LSR: variants seen among roughly 807,000 people sequenced by gnomAD.
LSR encodes the protein lipolysis stimulated lipoprotein receptor, also known as lipolysis-stimulated lipoprotein receptor.
LSR carries 44 observed loss-of-function variants against 61.8 expected under a neutral mutation model. The ratio of observed to expected loss-of-function variants is 0.71; its 90% CI spans 0.56 to 0.91. LSR has a LOEUF of 0.91. LSR is among the 40% of genes least tolerant of loss of function. The pLI, the probability that LSR is intolerant of heterozygous loss-of-function variation, is 0.00. For missense variants in LSR, 911 were observed against 830.5 expected (o/e 1.10, Z -1.19); for synonymous variants, 397 against 350.6 (o/e 1.13, Z -1.48).
At chr19:35,263,357 C>CA (rs919784131) in intron 5 of LSR, among the ~76,000 whole-genome samples, 1 of 151,708 alleles carries the variant, frequency 6.6e-6, no homozygotes, top group Non-Finnish European at 1.5e-5. Context: ...ATGATTTAAG[C>CA]AAAAAAAATT....
Position 35,267,696 on chromosome 19 carries a change from A to ACCGACTCGCAGGCGT in LSR, c.1735_1749dup (p.Asp579_Ser583dup), listed in dbSNP as rs1228801712. 2.5e-6 allele frequency: 4 copies of ACCGACTCGCAGGCGT among 1,601,578 alleles called. No homozygotes were observed. The African/African-American group carries it at 4.1e-5, about 16-fold the overall frequency. On this transcript the variant is annotated inframe_insertion, in exon 9 of 10. Transcript: ENST00000605618. The stretch of plus-strand genomic sequence containing the variant: ...GCCCGCGCCGCCCCCGTACTCGGAG[A>ACCGACTCGCAGGCGT]CCGACTCGCAGGCGTCCCGAGAGCG...
intron 2 of LSR, among the ~76,000 whole-genome samples, chr19:35,257,212 A>AC (rs1238668716): frequency 2.0e-5 from 3 of 152,174 alleles, no homozygotes; most frequent in Non-Finnish European, 4.4e-5. Context: ...TGAGACAGAC[A>AC]GGGCTCTGCC....
intron 2 of LSR, among the ~76,000 whole-genome samples, chr19:35,257,395 C>T (rs796981827): frequency 7.0e-4 from 107 of 152,302 alleles, no homozygotes; most frequent in African/African-American, 2.5e-3. Flanking sequence ...CTAGAGACCA[C>T]GTCGTGCCAA....
intron 2 of LSR, among the ~76,000 whole-genome samples, chr19:35,257,215 G>A (rs2065866798): frequency 6.6e-6 from 1 of 152,162 alleles, no homozygotes; most frequent in South Asian, 2.1e-4. Context: ...GACAGACAGG[G>A]CTCTGCCTCA....
rs1343858563 is a variant in LSR at position 35,266,503 on chromosome 19, A to C, written c.923A>C (p.Tyr308Ser). Residue 308 changes from tyrosine to serine, a missense_variant, in exon 6 of 10, where the codon TAC becomes TCC. Coordinates refer to ENST00000605618, the MANE Select transcript of LSR (RefSeq NM_205834.4). ...GPAYNGYPGGYPGDVDRSSSA... is the reference protein window; with the variant it reads ...GPAYNGYPGGSPGDVDRSSSA... ...GCCTACAACGGGTACCCTGGAGGAT[A>C]CCCTGGAGACGTTGACAGGAGTAGC... is the stretch of plus-strand genomic sequence containing the variant. 4 of 1,609,124 alleles carry C rather than the reference A, an allele frequency of 2.5e-6. No homozygotes were observed. The highest frequency in any genetic ancestry group is 1.7e-5 in the Admixed American group (1 of 59,648).
In LSR at chr19:35,250,520, G is replaced by T. The variant is rs1478770665; in HGVS notation, c.315G>T (p.Leu105=). 3.7e-6 allele frequency: 6 copies of T among 1,614,138 alleles called. No homozygotes were observed. In the East Asian group the frequency reaches 8.9e-5, roughly 24 times the overall value. The change falls in exon 2 of 10, where the codon CTG becomes CTT. Residue 105 remains leucine, a synonymous_variant. Transcript: ENST00000605618. Reference sequence around the variant, plus strand: ...TCGACAACCAGCTCAATGCCCAGCTGGCAGCCGGGAACCCAGGCTACAACC... The same window carrying T: ...TCGACAACCAGCTCAATGCCCAGCTTGCAGCCGGGAACCCAGGCTACAACC... ...ASVDNQLNAQ[L]AAGNPGYNPY... is the part of the protein sequence containing the mutation.
chr19:35,254,280 G>A (rs958000404), intron 2 of LSR, among the ~76,000 whole-genome samples: 2 of 152,206 alleles, frequency 1.3e-5, no homozygotes, highest in African/African-American at 4.8e-5. Flanking sequence ...CTTTTTGGTA[G>A]AGATGGGATT....
rs746839816 is a variant in LSR at position 35,266,778 on chromosome 19, G to A, written c.1012+40G>A. On this transcript the variant is annotated intron_variant, in intron 7 of 9. Transcript: ENST00000605618. ...TCCCGAAGTTGGATGTGCCTGTAAG[G>A]GAGAGGGGTGGGCCAGGATCCATCC... 10 of 1,609,252 alleles carry A rather than the reference G, an allele frequency of 6.2e-6. No homozygotes were observed. The South Asian group carries it at 1.0e-4, about 16-fold the overall frequency.
Position 35,267,678 on chromosome 19 carries a change from C to G in LSR, c.1714C>G (p.Pro572Ala). The G allele has an allele frequency of 6.2e-7, 1 of 1,604,788 alleles. No individual in the cohort carries two copies. The highest frequency in any genetic ancestry group is 8.5e-7 in the Non-Finnish European group (1 of 1,176,146). ...GGAAGAGGCCTACTACCCGCCCGCG[C>G]CGCCCCCGTACTCGGAGACCGACTC... ...EEEEAYYPPA[P>A]PPYSETDSQA... is the part of the protein sequence containing the mutation. Residue 572 changes from proline (P) to alanine (A), a missense_variant, in exon 9 of 10, where the codon CCG (proline) becomes GCG (alanine). Transcript: ENST00000605618.
intron 2 of LSR, among the ~76,000 whole-genome samples, chr19:35,251,860 A>C (rs1381063554): frequency 1.6e-5 from 1 of 62,604 alleles, no homozygotes; most frequent in South Asian, 6.2e-4. Flanking sequence ...TTTGAGACGG[A>C]GTCTCGCTCT....
At chr19:35,266,314 G>A in intron 5 of LSR, 45 bp from the exon 6 acceptor site, 1 of 1,500,506 alleles carries the variant, frequency 6.7e-7, no homozygotes, top group Non-Finnish European at 9.0e-7. Context: ...GGGGCAGCCT[G>A]GCTCCTGCCT....
At position 35,266,823 on chromosome 19, in the gene LSR, C is replaced by T; in HGVS notation, c.1013-13C>T. 1 of 1,607,184 alleles carries T rather than the reference C, an allele frequency of 6.2e-7. No individual in the cohort carries two copies. Among genetic ancestry groups the T allele is most frequent in the Non-Finnish European group, 8.5e-7 (1 of 1,176,576 alleles). ...CCATCCTCCCAAACCGACCACCACC[C>T]CCCTGTCCCTAGAAGTCCGCAGTGG... On this transcript the variant is annotated splice_polypyrimidine_tract_variant and intron_variant, in intron 7 of 9. Coordinates refer to ENST00000605618, the MANE Select transcript of LSR (RefSeq NM_205834.4).
rs2066023494 is a variant in LSR, at chr19:35,267,287, C to T, written c.1323C>T (p.Pro441=). ...QAGGGWRARR[P]RARSVDALDD... is the part of the protein sequence containing the mutation. ...GCGGGGGCTGGCGGGCCAGGCGGCCCCGGGCCCGCTCCGTGGACGCCCTGG... is the reference window on the plus strand; with the variant it reads ...GCGGGGGCTGGCGGGCCAGGCGGCCTCGGGCCCGCTCCGTGGACGCCCTGG... The change falls in exon 9 of 10, where the codon CCC becomes CCT. Residue 441 remains proline (P), a synonymous_variant. Transcript: ENST00000605618. 6.6e-7 allele frequency: 1 copy of T among 1,523,660 alleles called. No homozygotes were observed. The highest frequency in any genetic ancestry group is 1.2e-5 in the South Asian group (1 of 80,604). 94.4% of individuals were successfully genotyped at this position (1,523,660 alleles called of 1,614,324 possible). A position where few individuals can be genotyped will look rare whatever the true frequency, so the allele number is the denominator to read the frequency against.
At chr19:35,264,110 G>A (rs1161118123) in intron 5 of LSR, 1 of 152,146 alleles carries the variant, frequency 6.6e-6, no homozygotes, top group Non-Finnish European at 1.5e-5. Context: ...GAGCCACCAT[G>A]CCTGGCCAAA....
chr19:35,252,080 C>T (rs1357741775), intron 2 of LSR, among the ~76,000 whole-genome samples: 2 of 151,310 alleles, frequency 1.3e-5, no homozygotes, highest in African/African-American at 2.4e-5. Flanking sequence ...GTGATCCGCC[C>T]GCCTCGGCCT....
chr19:35,261,058 C>A (rs2065922191), intron 3 of LSR, among the ~76,000 whole-genome samples: 1 of 152,222 alleles, frequency 6.6e-6, no homozygotes, highest in African/African-American at 2.4e-5. Flanking sequence ...GCCTATAGTG[C>A]CAAGTGCATG....
At chr19:35,259,365 T>TGC (rs1296401609) in intron 3 of LSR, 1 of 254,108 alleles carries the variant, frequency 3.9e-6, no homozygotes, top group African/African-American at 2.3e-5. Flanking sequence ...GGGGTCCGGG[T>TGC]GCGGTAGTTC....
rs748160522 is a variant in LSR, at chr19:35,261,943, C to G, written c.593C>G (p.Ala198Gly). 2 of 1,491,328 alleles carry G rather than the reference C, an allele frequency of 1.3e-6. No homozygotes were observed. Among genetic ancestry groups the G allele is most frequent in the Admixed American group, 2.8e-5 (1 of 35,856 alleles). The allele number at this position is 1,491,328 out of a possible 1,614,324, so 92.4% of individuals were successfully genotyped here. ...CCTCCAGGGAGGACCTCAGGGGTGG[C>G]TGAGCTCTTACCTGGTTTTCAGGCG... ...LIVLGRTSGV[A>G]ELLPGFQAGP... Residue 198 changes from alanine to glycine, a missense_variant, in exon 4 of 10, where the codon GCT (alanine) becomes GGT (glycine). Ala to Gly is a moderately conservative substitution (Grantham distance 60). Transcript: ENST00000605618.
rs2145551668 is a variant in LSR at position 35,267,172 on chromosome 19, C to T, written c.1208C>T (p.Ala403Val). 6.6e-7 allele frequency: 1 copy of T among 1,526,386 alleles called. No homozygotes were observed. Among genetic ancestry groups the T allele is most frequent in the Non-Finnish European group, 8.8e-7 (1 of 1,140,408 alleles). The allele number at this position is 1,526,386 out of a possible 1,614,324, so 94.6% of individuals were successfully genotyped here. ...DWRSRPSRGP[A>V]LTPIRDEEWG... is the part of the protein sequence containing the mutation. The stretch of plus-strand genomic sequence containing the variant: ...CGATCTCGGCCTTCCCGGGGCCCTG[C>T]CCTCACCCCGATCCGGGATGAGGAG... The change falls in exon 9 of 10, where the codon GCC (alanine) becomes GTC (valine). Residue 403 changes from alanine (A) to valine (V), a missense_variant. Ala to Val is a moderately conservative substitution (Grantham distance 64). Coordinates refer to ENST00000605618, the MANE Select transcript of LSR (RefSeq NM_205834.4).
Sources: allele counts gnomAD v4.1 joint callset (sites outside exome capture counted in the v4.1 genomes callset), GRCh38; gene constraint gnomAD v4.1.1; transcripts MANE v1.5; gene names NCBI Gene and HGNC (gene_info 2026-07-23, HGNC 2026-07-21).